SHANK2: variants seen among roughly 807,000 people sequenced by gnomAD.
SHANK2 encodes the protein SH3 and multiple ankyrin repeat domains protein 2.
A neutral mutation model predicts 133.7 loss-of-function variants in SHANK2; 43 were observed. That is an observed-to-expected ratio of 0.32 (90% CI 0.25 to 0.41). The LOEUF (loss-of-function observed/expected upper bound fraction) is 0.41, where lower values mean the gene tolerates loss of function less well. Among genes scored for constraint, SHANK2 ranks in the 10% least tolerant of loss-of-function variants. SHANK2 has a pLI of 1.00. For synonymous variants in SHANK2, 1,017 were observed against 952.8 expected, an observed-to-expected ratio of 1.07 and a Z score of -1.24; for missense variants, 1,994 against 2,235.8, an observed-to-expected ratio of 0.89 and a Z score of 2.18.
At chr11:70,668,866 G>C (rs1202620510) in intron 15 of SHANK2, 1 of 152,308 alleles carries the variant, frequency 6.6e-6, no homozygotes, top group African/African-American at 2.4e-5. Flanking sequence ...TGACCACACG[G>C]GGCTGCAGAC....
intron 2 of SHANK2, among the ~76,000 whole-genome samples, chr11:71,167,892 T>C (rs1953208634): frequency 6.9e-6 from 1 of 144,128 alleles, no homozygotes; most frequent in Non-Finnish European, 1.5e-5. Context: ...GCCCCTCACC[T>C]CCCGGACAGG....
At chr11:70,750,859 GT>G (rs1237420086) in intron 14 of SHANK2, among the ~76,000 whole-genome samples, 1 of 152,170 alleles carries the variant, frequency 6.6e-6, no homozygotes, top group Non-Finnish European at 1.5e-5. Context: ...ATGCATAAAA[GT>G]TCTATAAAAG....
chr11:70,827,731 C>A (rs1948667169), intron 11 of SHANK2, among the ~76,000 whole-genome samples: 1 of 126,514 alleles, frequency 7.9e-6, no homozygotes, highest in Admixed American at 8.8e-5. Flanking sequence ...ACACACACAA[C>A]CAGAGAAAGA....
chr11:71,214,734 T>C (rs1954366904), intron 2 of SHANK2, among the ~76,000 whole-genome samples: 1 of 152,014 alleles, frequency 6.6e-6, no homozygotes, highest in Non-Finnish European at 1.5e-5. Flanking sequence ...CGGGCTGCCC[T>C]GTCCTCTGGG....
At chr11:71,094,922 G>A (rs1828953517) in intron 6 of SHANK2, among the ~76,000 whole-genome samples, 2 of 152,238 alleles carry the variant, frequency 1.3e-5, no homozygotes, top group African/African-American at 4.8e-5. Context: ...CGGTGGCAGA[G>A]GCAGGGATTC....
chr11:70,901,955 C>T (rs35961474), intron 10 of SHANK2, among the ~76,000 whole-genome samples: 4,405 of 152,250 alleles, frequency 0.029, 98 homozygotes, highest in Middle Eastern at 0.075. Context: ...CTGGCTTCTG[C>T]GGCTAGGAGG....
chr11:71,110,984 C>G (rs1350919385), intron 5 of SHANK2, among the ~76,000 whole-genome samples: 4 of 152,258 alleles, frequency 2.6e-5, no homozygotes, highest in African/African-American at 9.6e-5. Flanking sequence ...GCCCCTTCCT[C>G]CACGTGAAGA....
chr11:71,148,940 G>A (rs1419349680), intron 2 of SHANK2, among the ~76,000 whole-genome samples: 7 of 152,030 alleles, frequency 4.6e-5, no homozygotes, highest in Admixed American at 4.6e-4. Context: ...CATGCCCAAT[G>A]CAGGAGAGCA....
intron 11 of SHANK2, among the ~76,000 whole-genome samples, chr11:70,828,716 G>A (rs1184567725): frequency 1.3e-5 from 2 of 152,198 alleles, no homozygotes; most frequent in Non-Finnish European, 2.9e-5. Context: ...AGGCTGAGAC[G>A]GGGATGCCAC....
intron 11 of SHANK2, among the ~76,000 whole-genome samples, chr11:70,890,996 A>T (rs1949836807): frequency 6.6e-6 from 1 of 151,612 alleles, no homozygotes; most frequent in African/African-American, 2.4e-5. Context: ...TCACGGGAAG[A>T]TGGTGACCAC....
At chr11:70,629,738 T>C (rs2060957194) in intron 17 of SHANK2, among the ~76,000 whole-genome samples, 1 of 152,162 alleles carries the variant, frequency 6.6e-6, no homozygotes, top group African/African-American at 2.4e-5. Context: ...GCTGCAGAGC[T>C]GGATGATCCT....
At chr11:71,074,521 G>A (rs1951193031) in intron 9 of SHANK2, among the ~76,000 whole-genome samples, 1 of 152,156 alleles carries the variant, frequency 6.6e-6, no homozygotes, top group Non-Finnish European at 1.5e-5. Context: ...TTTTGCTGCA[G>A]TCCACAATGT....
intron 14 of SHANK2, among the ~76,000 whole-genome samples, chr11:70,738,274 G>C (rs946878357): frequency 6.6e-6 from 1 of 152,252 alleles, no homozygotes; most frequent in Non-Finnish European, 1.5e-5. Flanking sequence ...AACCGCGTCT[G>C]GCCTGGCAGA....
chr11:70,837,601 A>G (rs906388944), intron 11 of SHANK2, among the ~76,000 whole-genome samples: 1 of 152,156 alleles, frequency 6.6e-6, no homozygotes, highest in Non-Finnish European at 1.5e-5. Flanking sequence ...TTCTCCCCCA[A>G]GTAAACTGTA....
intron 15 of SHANK2, among the ~76,000 whole-genome samples, chr11:70,683,893 C>T (rs567970391): frequency 3.9e-5 from 6 of 152,098 alleles, no homozygotes; most frequent in Non-Finnish European, 5.9e-5. Context: ...AAACGATTCT[C>T]GTGCCTCAGC....
At chr11:71,056,202 C>T (rs1028153524) in intron 10 of SHANK2, among the ~76,000 whole-genome samples, 1 of 152,206 alleles carries the variant, frequency 6.6e-6, no homozygotes, top group African/African-American at 2.4e-5. Flanking sequence ...GAAGCACTTA[C>T]GTCTTTGCTG....
chr11:70,519,905 AT>A (rs781977357), intron 17 of SHANK2, among the ~76,000 whole-genome samples: 3,096 of 121,432 alleles, frequency 0.025, 83 homozygotes, highest in African/African-American at 0.068. Context: ...ACCATGCCTA[AT>A]TTTTTTTTTT....
chr11:70,799,635 G>A (rs895782870), intron 13 of SHANK2, among the ~76,000 whole-genome samples: 18 of 152,162 alleles, frequency 1.2e-4, no homozygotes, highest in Non-Finnish European at 1.2e-4. Flanking sequence ...TTTTCTTTCT[G>A]ACTTGTGGTT....
Position 70,572,002 on chromosome 11 carries a change from A to G in SHANK2, c.2062-69071T>C, listed in dbSNP as rs184840526. On this transcript the variant is annotated intron_variant, in intron 17 of 25. Transcript: ENST00000601538. Reference sequence around the variant, plus strand: ...CTTGTGATGGGATCGGTAGCCTTATAAAAGGGACCCCAGAGAGCTCGCTTC... The same window carrying G: ...CTTGTGATGGGATCGGTAGCCTTATGAAAGGGACCCCAGAGAGCTCGCTTC... 3.2e-4 allele frequency among the ~76,000 whole-genome samples: 48 copies of G among 152,284 alleles called. No individual in the cohort carries two copies. The East Asian group carries it at 6.8e-3, about 21-fold the overall frequency.
Sources: gnomAD v4.1 joint callset for allele counts (sites outside exome capture counted in the v4.1 genomes callset) on GRCh38, gnomAD v4.1.1 for gene constraint, MANE v1.5 for transcripts, NCBI Gene and HGNC (gene_info 2026-07-23, HGNC 2026-07-21) for gene names.